Variants in TMEM108 observed in about 807,000 individuals in gnomAD.
The protein encoded by TMEM108 is cancer/testis antigen 124.
A neutral mutation model predicts 35.1 loss-of-function variants in TMEM108; 12 were observed. The observed-to-expected ratio is 0.34, with a 90% CI of 0.22 to 0.55. The LOEUF is 0.55. Among genes scored for constraint, TMEM108 ranks in the 20% least tolerant of loss-of-function variants. TMEM108 has a pLI of 0.89. For synonymous variants in TMEM108, 287 were observed against 308.6 expected (o/e 0.93, Z 0.73); for missense variants, 680 against 753.3 (o/e 0.90, Z 1.14).
At chr3:133,166,269 G>C (rs973987688) in intron 2 of TMEM108, among the ~76,000 whole-genome samples, 1 of 152,158 alleles carries the variant, frequency 6.6e-6, no homozygotes, top group African/African-American at 2.4e-5. Flanking sequence ...TAGGTGATGG[G>C]ATAATCTGTA....
At chr3:133,343,311 T>G (rs1205182537) in intron 3 of TMEM108, among the ~76,000 whole-genome samples, 1 of 151,938 alleles carries the variant, frequency 6.6e-6, no homozygotes, top group African/African-American at 2.4e-5. Context: ...TGTAGACGTT[T>G]CTTATAAAGC....
At chr3:133,102,102 C>T (rs1944096272) in intron 2 of TMEM108, among the ~76,000 whole-genome samples, 1 of 152,186 alleles carries the variant, frequency 6.6e-6, no homozygotes, top group Admixed American at 6.5e-5. Context: ...AAGCACAACT[C>T]GCACAAACAT....
intron 3 of TMEM108, among the ~76,000 whole-genome samples, chr3:133,237,652 C>G (rs909550414): frequency 3.9e-5 from 6 of 152,068 alleles, no homozygotes; most frequent in African/African-American, 1.4e-4. Context: ...AGATTTTTTT[C>G]CATGTACTGT....
At chr3:133,243,168 C>T (rs868707331) in intron 3 of TMEM108, among the ~76,000 whole-genome samples, 1 of 152,002 alleles carries the variant, frequency 6.6e-6, no homozygotes, top group Admixed American at 6.5e-5. Flanking sequence ...GTTGCTGGCC[C>T]GGAGGTCACT....
intron 2 of TMEM108, among the ~76,000 whole-genome samples, chr3:133,092,073 A>G (rs1943953591): frequency 6.6e-6 from 1 of 152,208 alleles, no homozygotes; most frequent in South Asian, 2.1e-4. Context: ...TGGGAGGAAG[A>G]CGACAGCTTT....
chr3:133,355,219 TC>T (rs1446240842), intron 3 of TMEM108, among the ~76,000 whole-genome samples: 19 of 152,236 alleles, frequency 1.2e-4, no homozygotes, highest in African/African-American at 4.1e-4. Flanking sequence ...TTCCTTTTTT[TC>T]TTTTTTGTTT....
intron 3 of TMEM108, among the ~76,000 whole-genome samples, chr3:133,288,467 T>TG (rs543550682): frequency 2.6e-5 from 4 of 152,078 alleles, no homozygotes; most frequent in Admixed American, 6.6e-5. Flanking sequence ...GTGTTCTCCA[T>TG]GGGGGGGTGA....
At chr3:133,099,414 C>T (rs759223558) in intron 2 of TMEM108, among the ~76,000 whole-genome samples, 1 of 152,190 alleles carries the variant, frequency 6.6e-6, no homozygotes, top group African/African-American at 2.4e-5. Context: ...AGACATTTTC[C>T]CCGTGGTCTT....
chr3:133,255,466 G>A (rs1199761540), intron 3 of TMEM108, among the ~76,000 whole-genome samples: 1 of 152,032 alleles, frequency 6.6e-6, no homozygotes. Context: ...CAGAGCTTAA[G>A]AAATTACTTG....
At position 133,228,189 on chromosome 3, in the gene TMEM108, TA is replaced by T. The variant is rs397732892; in HGVS notation, c.-46-1064del. On this transcript the variant is annotated intron_variant, in intron 2 of 5. Coordinates refer to ENST00000321871, the MANE Select transcript of TMEM108 (RefSeq NM_023943.4). ...ATTTTATGTATGAGTTATATCTCAG[TA>T]AAAAAAAAAAAATTAAAGATAGATA... 5.7e-4 allele frequency among the ~76,000 whole-genome samples: 84 copies of T among 147,708 alleles called. 1 individual carries two copies. Among genetic ancestry groups the T allele is most frequent in the Admixed American group, 2.0e-4 (3 of 14,852 alleles).
intron 2 of TMEM108, among the ~76,000 whole-genome samples, chr3:133,217,016 A>G (rs1945919155): frequency 6.6e-6 from 1 of 152,134 alleles, no homozygotes. Context: ...ACTGTATTCC[A>G]TAATAGTTGT....
At chr3:133,106,137 A>G (rs13318600) in intron 2 of TMEM108, among the ~76,000 whole-genome samples, 32,404 of 148,502 alleles carry the variant, frequency 0.22, 4,288 homozygotes, top group Non-Finnish European at 0.3. Context: ...GTCAGAGCCT[A>G]TAAGAGGAGG....
At chr3:133,241,338 G>A (rs1559879170) in intron 3 of TMEM108, among the ~76,000 whole-genome samples, 1 of 152,068 alleles carries the variant, frequency 6.6e-6, no homozygotes, top group Admixed American at 6.6e-5. Flanking sequence ...ATCCATTTCC[G>A]TTCCCTTCCT....
At chr3:133,172,342 A>T (rs1474974262) in intron 2 of TMEM108, among the ~76,000 whole-genome samples, 1 of 152,230 alleles carries the variant, frequency 6.6e-6, no homozygotes, top group Non-Finnish European at 1.5e-5. Context: ...TTATGAAGTC[A>T]TTAGAAATGA....
At chr3:133,093,260 G>A (rs1363464558) in intron 2 of TMEM108, among the ~76,000 whole-genome samples, 2 of 152,122 alleles carry the variant, frequency 1.3e-5, no homozygotes, top group African/African-American at 4.8e-5. Flanking sequence ...CAAAGTGCTG[G>A]GATTACAGGC....
At chr3:133,056,157 T>C (rs4854685) in intron 2 of TMEM108, among the ~76,000 whole-genome samples, 37,034 of 152,112 alleles carry the variant, frequency 0.24, 5,373 homozygotes, top group Non-Finnish European at 0.32. Context: ...CCCACCTGGC[T>C]GCAGGACAAG....
At chr3:133,060,476 A>G (rs1943522771) in intron 2 of TMEM108, among the ~76,000 whole-genome samples, 1 of 152,176 alleles carries the variant, frequency 6.6e-6, no homozygotes. Flanking sequence ...ACTGGGGCAT[A>G]TGGCTTAGCT....
At chr3:133,111,603 T>TCC (rs756334342) in intron 2 of TMEM108, among the ~76,000 whole-genome samples, 1 of 152,150 alleles carries the variant, frequency 6.6e-6, no homozygotes, top group Non-Finnish European at 1.5e-5. Flanking sequence ...TTGCTTCATT[T>TCC]TTAATATTTT....
intron 2 of TMEM108, among the ~76,000 whole-genome samples, chr3:133,141,078 T>G (rs1029900117): frequency 1.3e-5 from 2 of 152,170 alleles, no homozygotes; most frequent in African/African-American, 4.8e-5. Flanking sequence ...GAATCTAAAT[T>G]ATTAAAATAA....
Sources: gnomAD v4.1 joint callset for allele counts (sites outside exome capture counted in the v4.1 genomes callset) on GRCh38, gnomAD v4.1.1 for gene constraint, MANE v1.5 for transcripts, NCBI Gene and HGNC (gene_info 2026-07-23, HGNC 2026-07-21) for gene names.